CLOCK: variants seen among roughly 807,000 people sequenced by gnomAD.
CLOCK encodes clock circadian regulator.
A neutral mutation model predicts 118.4 loss-of-function variants in CLOCK; 43 were observed. The ratio of observed to expected loss-of-function variants is 0.36; its 90% CI spans 0.28 to 0.47. CLOCK has a LOEUF of 0.47. Among genes scored for constraint, CLOCK ranks in the 20% least tolerant of loss-of-function variants. The pLI, the probability that CLOCK is intolerant of heterozygous loss-of-function variation, is 1.00. For synonymous variants in CLOCK, 326 were observed against 339.2 expected (o/e 0.96, Z 0.43); for missense variants, 846 against 999.9 (o/e 0.85, Z 2.08).
intron 3 of CLOCK, among the ~76,000 whole-genome samples, chr4:55,487,523 C>T (rs1727373099): frequency 6.6e-6 from 1 of 152,080 alleles, no homozygotes; most frequent in Admixed American, 6.6e-5. Context: ...GTTCTTAACC[C>T]TTCTATTTTT....
intron 1 of CLOCK, among the ~76,000 whole-genome samples, chr4:55,517,183 T>C (rs1397897318): frequency 6.6e-6 from 1 of 152,202 alleles, no homozygotes; most frequent in African/African-American, 2.4e-5. Flanking sequence ...CTGCCATGTA[T>C]CCCTAGAATA....
intron 6 of CLOCK, among the ~76,000 whole-genome samples, chr4:55,478,313 A>G (rs1008887019): frequency 2.6e-5 from 4 of 152,116 alleles, no homozygotes; most frequent in Non-Finnish European, 1.5e-5. Flanking sequence ...AGAACTTTAT[A>G]CTATCCAGCT....
At chr4:55,501,024 T>C (rs902683504) in intron 2 of CLOCK, among the ~76,000 whole-genome samples, 3 of 151,804 alleles carry the variant, frequency 2.0e-5, no homozygotes, top group African/African-American at 7.3e-5. Context: ...GGGCTAATTT[T>C]TGTGTTTTTA....
chr4:55,508,658 T>C (rs1728957187), intron 2 of CLOCK, among the ~76,000 whole-genome samples: 1 of 151,654 alleles, frequency 6.6e-6, no homozygotes, highest in Non-Finnish European at 1.5e-5. Context: ...AGTGGCATGA[T>C]CTCGGCTCAC....
intron 1 of CLOCK, among the ~76,000 whole-genome samples, chr4:55,534,279 G>C (rs563233673): frequency 6.6e-6 from 1 of 152,014 alleles, no homozygotes; most frequent in Non-Finnish European, 1.5e-5. Context: ...CTAAATGTGA[G>C]AGAACATTTC....
chr4:55,443,922 A>ATT (rs1184907990), intron 19 of CLOCK, 26 bp from the exon 20 acceptor site: 1 of 1,596,102 alleles, frequency 6.3e-7, no homozygotes, highest in East Asian at 2.2e-5. Context: ...TTATGTTAAA[A>ATT]TGAGCTTTGT....
intron 6 of CLOCK, among the ~76,000 whole-genome samples, chr4:55,478,267 C>T (rs908594268): frequency 1.3e-5 from 2 of 151,936 alleles, no homozygotes; most frequent in African/African-American, 2.4e-5. Context: ...TGTTGATTTA[C>T]TAGATATACA....
rs996946032 is a variant in CLOCK at position 55,489,397 on chromosome 4, A to T, written c.-67T>A. On this transcript the variant is annotated 5_prime_UTR_variant, in exon 3 of 23. Coordinates refer to ENST00000513440, the MANE Select transcript of CLOCK (RefSeq NM_004898.4). ...ACCTTTTGTACTCCTTGGATCTTTT[A>T]AACTGATTCTTCAGGAAACTATAGG... 2.0e-5 allele frequency: 3 copies of T among 152,298 alleles called. No homozygotes were observed. The East Asian group carries it at 5.8e-4, about 29-fold the overall frequency. 9.4% of individuals were successfully genotyped at this position (152,298 alleles called of 1,614,324 possible). A position where few individuals can be genotyped will look rare whatever the true frequency, so the allele number is the denominator to read the frequency against.
intron 19 of CLOCK, 35 bp from the exon 20 acceptor site, chr4:55,443,931 G>A (rs1439790052): frequency 1.9e-6 from 3 of 1,578,270 alleles, no homozygotes; most frequent in Non-Finnish European, 1.7e-6. Flanking sequence ...AATGAGCTTT[G>A]TAGATTGAAA....
At chr4:55,545,332 A>C (rs184032886) in intron 1 of CLOCK, 51 of 152,304 alleles carry the variant, frequency 3.3e-4, no homozygotes, top group East Asian at 2.1e-3. Context: ...AAAGCAATTC[A>C]TTATCTAAAT....
At chr4:55,440,006 T>TC (rs1173981137) in intron 21 of CLOCK, among the ~76,000 whole-genome samples, 1 of 152,120 alleles carries the variant, frequency 6.6e-6, no homozygotes, top group Non-Finnish European at 1.5e-5. Context: ...TTTGTATTTT[T>TC]CCACAATAAA....
chr4:55,444,594 G>A, intron 19 of CLOCK, 39 bp downstream of exon 19: 1 of 1,612,964 alleles, frequency 6.2e-7, no homozygotes, highest in Non-Finnish European at 8.5e-7. Flanking sequence ...TCCAAAATGT[G>A]AATGGGATGC....
chr4:55,455,280 C>T (rs1218028407), intron 13 of CLOCK, among the ~76,000 whole-genome samples: 2 of 152,154 alleles, frequency 1.3e-5, no homozygotes, highest in Admixed American at 1.3e-4. Flanking sequence ...CCAATCCTGT[C>T]TCTGCCACCA....
At chr4:55,470,599 T>G in intron 8 of CLOCK, 118 bp downstream of exon 8, 3 of 696,198 alleles carry the variant, frequency 4.3e-6, no homozygotes, top group Non-Finnish European at 7.7e-6. Flanking sequence ...CTTAGAGCTC[T>G]GATTCCTACC....
chr4:55,500,750 T>C (rs1188359433), intron 2 of CLOCK, among the ~76,000 whole-genome samples: 1 of 152,238 alleles, frequency 6.6e-6, no homozygotes, highest in East Asian at 1.9e-4. Flanking sequence ...ATGGCTTTAG[T>C]AGTCACGACT....
At chr4:55,523,025 G>C (rs1016341977) in intron 1 of CLOCK, among the ~76,000 whole-genome samples, 7 of 152,210 alleles carry the variant, frequency 4.6e-5, no homozygotes, top group African/African-American at 1.4e-4. Context: ...GCTGGGCGCA[G>C]TGGCTCATGC....
rs535337933 is a variant in CLOCK at position 55,466,972 on chromosome 4, T to C, written c.439-3167A>G. Reference sequence around the variant, plus strand: ...TTAGGTCAACGTTACCATTTAGTGATTGGATGACACAAACAATTTTTTAAA... The same window carrying C: ...TTAGGTCAACGTTACCATTTAGTGACTGGATGACACAAACAATTTTTTAAA... On this transcript the variant is annotated intron_variant, in intron 8 of 22. Coordinates refer to ENST00000513440, the MANE Select transcript of CLOCK (RefSeq NM_004898.4). Among the ~76,000 whole-genome samples the C allele has an allele frequency of 7.2e-5, 11 of 152,336 alleles. No homozygotes were observed. In the East Asian group the frequency reaches 7.7e-4, roughly 11 times the overall value.
intron 3 of CLOCK, among the ~76,000 whole-genome samples, chr4:55,486,064 C>A (rs1727280041): frequency 1.3e-5 from 2 of 152,150 alleles, no homozygotes; most frequent in Non-Finnish European, 2.9e-5. Flanking sequence ...TACACATGCA[C>A]ATTTCCCCAA....
At chr4:55,503,221 T>C (rs765807261) in intron 2 of CLOCK, among the ~76,000 whole-genome samples, 1 of 152,198 alleles carries the variant, frequency 6.6e-6, no homozygotes, top group Middle Eastern at 3.2e-3. Flanking sequence ...GTATTCTTCA[T>C]AACAGCCAAT....
Sources: allele counts gnomAD v4.1 joint callset (sites outside exome capture counted in the v4.1 genomes callset), GRCh38; gene constraint gnomAD v4.1.1; transcripts MANE v1.5; gene names NCBI Gene and HGNC (gene_info 2026-07-23, HGNC 2026-07-21).